Variants in SMIM20 observed in about 807,000 individuals in gnomAD.
SMIM20 encodes the protein small integral membrane protein 20, also known as mitochondrial translation regulation assembly intermediate of cytochrome c oxidase protein of 7 kDa.
Under a neutral mutation model 8.7 loss-of-function variants are expected in SMIM20, and 3 were observed. That is an observed-to-expected ratio of 0.34 (90% CI 0.16 to 0.89). The LOEUF (loss-of-function observed/expected upper bound fraction) is 0.89. Among genes scored for constraint, SMIM20 ranks in the 40% least tolerant of loss-of-function variants. SMIM20 has a pLI of 0.49. For synonymous variants in SMIM20, 44 were observed against 33.6 expected (o/e 1.31, Z -1.07); for missense variants, 85 against 84.8 (o/e 1.00, Z -0.01).
At chr4:25,924,342 G>A (rs929972524) in intron 1 of SMIM20, among the ~76,000 whole-genome samples, 3 of 152,154 alleles carry the variant, frequency 2.0e-5, no homozygotes, top group Non-Finnish European at 4.4e-5. Flanking sequence ...GTTTTTGTTA[G>A]TGAAAAAAGA....
At chr4:25,920,242 C>A (rs914967318) in intron 1 of SMIM20, among the ~76,000 whole-genome samples, 1 of 152,016 alleles carries the variant, frequency 6.6e-6, no homozygotes, top group East Asian at 1.9e-4. Context: ...TATTTTGGCC[C>A]GCGATAGACC....
At chr4:25,915,852 G>A (rs957699070) in intron 1 of SMIM20, among the ~76,000 whole-genome samples, 4 of 110,564 alleles carry the variant, frequency 3.6e-5, no homozygotes, top group African/African-American at 1.2e-4. Flanking sequence ...CACAACTTGG[G>A]ATGGGGCGGG....
chr4:25,923,748 A>T (rs1719239647), intron 1 of SMIM20, among the ~76,000 whole-genome samples: 1 of 152,224 alleles, frequency 6.6e-6, no homozygotes, highest in African/African-American at 2.4e-5. Flanking sequence ...ATGCAGAAAG[A>T]ATTCTTACCT....
chr4:25,927,495 A>C (rs956468421), intron 1 of SMIM20, among the ~76,000 whole-genome samples: 2 of 152,260 alleles, frequency 1.3e-5, no homozygotes, highest in Non-Finnish European at 2.9e-5. Flanking sequence ...CCTGATTAAA[A>C]CAAAGGTCCG....
intron 1 of SMIM20, among the ~76,000 whole-genome samples, chr4:25,919,332 C>T (rs1313587508): frequency 6.6e-6 from 1 of 151,964 alleles, no homozygotes; most frequent in Non-Finnish European, 1.5e-5. Context: ...TTTCTCACCT[C>T]ATTTTGTGTC....
At chr4:25,925,588 AAGGT>A (rs1397855489) in intron 1 of SMIM20, among the ~76,000 whole-genome samples, 4 of 152,152 alleles carry the variant, frequency 2.6e-5, no homozygotes, top group Non-Finnish European at 4.4e-5. Flanking sequence ...GTAGGTTCCC[AAGGT>A]CATACCTTGC....
chr4:25,914,361 C>T lies in SMIM20; in HGVS notation c.48C>T (p.Ser16=). 6 of 1,549,926 alleles carry T rather than the reference C, an allele frequency of 3.9e-6. No homozygotes were observed. The highest frequency in any genetic ancestry group is 5.2e-6 in the Non-Finnish European group (6 of 1,145,866). ...RTALIFGGFI[S]LIGAAFYPIY... is the part of the protein sequence containing the mutation. ...CGCTCATTTTCGGCGGCTTCATCTC[C>T]CTGATCGGCGCCGCCTTCTATCCCA... Residue 16 remains serine (S), a synonymous_variant, in exon 1 of 3, where the codon TCC becomes TCT. Transcript: ENST00000506197.
intron 1 of SMIM20, among the ~76,000 whole-genome samples, chr4:25,918,828 T>G (rs1191127826): frequency 4.0e-5 from 6 of 150,622 alleles, no homozygotes; most frequent in Non-Finnish European, 8.9e-5. Flanking sequence ...TTTCTTTTAA[T>G]ATTTTCCTAG....
intron 1 of SMIM20, 29 bp from the exon 2 acceptor site, chr4:25,928,284 A>T (rs1711563533): frequency 6.5e-7 from 1 of 1,546,940 alleles, no homozygotes; most frequent in Non-Finnish European, 8.7e-7. Context: ...CCCCCTTCTA[A>T]AGAATGATTT....
intron 1 of SMIM20, among the ~76,000 whole-genome samples, chr4:25,925,922 G>A (rs550324288): frequency 1.3e-5 from 2 of 152,266 alleles, no homozygotes; most frequent in South Asian, 4.1e-4. Context: ...CAGAGATAAC[G>A]TCCTCAATTA....
In SMIM20 at chr4:25,927,009, C is replaced by T. The variant is rs1250380116; in HGVS notation, c.110-1304C>T. Among the ~76,000 whole-genome samples, 4 of 152,228 alleles carry T rather than the reference C, an allele frequency of 2.6e-5. No homozygotes were observed. In the East Asian group the frequency reaches 7.7e-4, roughly 29 times the overall value. On this transcript the variant is annotated intron_variant, in intron 1 of 2. Coordinates refer to ENST00000506197, the MANE Select transcript of SMIM20 (RefSeq NM_001145432.3). ...GATTTAATGTCTTAAGAAATGAGGA[C>T]ACCTTTTGTGTTATTTCAGAAAGTC...
At chr4:25,923,691 C>T (rs934221701) in intron 1 of SMIM20, among the ~76,000 whole-genome samples, 2 of 152,220 alleles carry the variant, frequency 1.3e-5, no homozygotes, top group African/African-American at 2.4e-5. Context: ...TGCCCCTGCC[C>T]AAAAGGAGGC....
intron 1 of SMIM20, among the ~76,000 whole-genome samples, chr4:25,918,482 T>C (rs1719136206): frequency 6.6e-6 from 1 of 152,182 alleles, no homozygotes; most frequent in Non-Finnish European, 1.5e-5. Flanking sequence ...ATCTCTATTT[T>C]ATCTGATTTT....
intron 1 of SMIM20, among the ~76,000 whole-genome samples, chr4:25,916,840 T>C (rs1361162969): frequency 2.0e-5 from 3 of 152,238 alleles, no homozygotes; most frequent in African/African-American, 7.2e-5. Flanking sequence ...ACAAACTGAC[T>C]GCTGTAACAT....
intron 1 of SMIM20, among the ~76,000 whole-genome samples, chr4:25,920,979 A>G (rs903824788): frequency 8.5e-5 from 13 of 152,218 alleles, no homozygotes; most frequent in African/African-American, 2.9e-4. Flanking sequence ...GTTGCACAAC[A>G]ATGAAATCAC....
chr4:25,922,631 C>T (rs989149705), intron 1 of SMIM20, among the ~76,000 whole-genome samples: 1 of 152,272 alleles, frequency 6.6e-6, no homozygotes, highest in African/African-American at 2.4e-5. Flanking sequence ...CTCTCCTGAC[C>T]GTCCTTCATA....
At chr4:25,916,767 G>A (rs1407851830) in intron 1 of SMIM20, among the ~76,000 whole-genome samples, 1 of 152,136 alleles carries the variant, frequency 6.6e-6, no homozygotes, top group Non-Finnish European at 1.5e-5. Context: ...TGTTGGCCAG[G>A]CTGGTCTTAA....
In SMIM20 at chr4:25,914,289, TCAGGGCA is replaced by T; in HGVS notation, c.-24_-18del. 6.5e-7 allele frequency: 1 copy of T among 1,543,042 alleles called. No individual in the cohort carries two copies. Among genetic ancestry groups the T allele is most frequent in the Non-Finnish European group, 8.8e-7 (1 of 1,141,730 alleles). On this transcript the variant is annotated 5_prime_UTR_variant, in exon 1 of 3. Transcript: ENST00000506197. ...CCGAGAGTGCCGGGCGGTCGGCGGG[TCAGGGCA>T]GCCCGGGGCCTGACGCCATGTCCCG... is the stretch of plus-strand genomic sequence containing the variant.
intron 1 of SMIM20, among the ~76,000 whole-genome samples, chr4:25,923,249 G>T (rs1719229769): frequency 6.6e-6 from 1 of 152,210 alleles, no homozygotes; most frequent in African/African-American, 2.4e-5. Flanking sequence ...AGTTAGGGAA[G>T]AGTACAGATG....
Sources: allele counts gnomAD v4.1 joint callset (sites outside exome capture counted in the v4.1 genomes callset), GRCh38; gene constraint gnomAD v4.1.1; transcripts MANE v1.5; gene names NCBI Gene and HGNC (gene_info 2026-07-23, HGNC 2026-07-21).